The following PDE4D variants were observed in gnomAD, a reference collection of about 807,000 sequenced individuals.
PDE4D encodes the protein phosphodiesterase 4D, also known as 3',5'-cyclic-AMP phosphodiesterase 4D.
PDE4D carries 24 observed loss-of-function variants against 87.4 expected under a neutral mutation model. The ratio of observed to expected loss-of-function variants is 0.27; its 90% confidence interval spans 0.20 to 0.39. The LOEUF (loss-of-function observed/expected upper bound fraction) is 0.39, where lower values mean the gene tolerates loss of function less well. Among genes scored for constraint, PDE4D ranks in the 10% least tolerant of loss-of-function variants. The pLI is 1.00. For missense variants in PDE4D, 714 were observed against 1,041.0 expected (o/e 0.69, Z 4.32); for synonymous variants, 384 against 383.2 (o/e 1.00, Z -0.02).
rs1269156161 is a variant in PDE4D at position 60,093,154 on chromosome 5, T to A, written c.42+92403A>T. 2.6e-5 allele frequency among the ~76,000 whole-genome samples: 4 copies of A among 152,170 alleles called. No individual in the cohort carries two copies. The South Asian group carries it at 8.3e-4, about 32-fold the overall frequency. On this transcript the variant is annotated intron_variant, in intron 2 of 16. Transcript: ENST00000502484. Reference sequence around the variant, plus strand: ...TTTCTGAAGAAGCCTTGAAGTGATATTGCCATCAAACAAAAAAGATGCATG... The same window carrying A: ...TTTCTGAAGAAGCCTTGAAGTGATAATGCCATCAAACAAAAAAGATGCATG...
intron 2 of PDE4D, among the ~76,000 whole-genome samples, chr5:60,182,605 G>C (rs551402961): frequency 6.6e-6 from 1 of 152,070 alleles, no homozygotes; most frequent in East Asian, 1.9e-4. Flanking sequence ...GCACTCCAGC[G>C]CCGTGGCTCA....
rs1743242019 is a variant in PDE4D, at chr5:58,974,617, C to T, written c.*47G>A. The T allele has an allele frequency of 2.7e-6, 4 of 1,497,280 alleles. No homozygotes were observed. The highest frequency in any genetic ancestry group is 3.6e-6 in the Non-Finnish European group (4 of 1,119,408). 92.7% of individuals were successfully genotyped at this position (1,497,280 alleles called of 1,614,324 possible). On this transcript the variant is annotated 3_prime_UTR_variant, in exon 15 of 15. Transcript: ENST00000340635. Reference sequence around the variant, plus strand: ...TGGCATGTGACATGCACTTTGGAAACAATTTTTCTACTTAAAAAAAAAAAA... The same window carrying T: ...TGGCATGTGACATGCACTTTGGAAATAATTTTTCTACTTAAAAAAAAAAAA...
intron 1 of PDE4D, among the ~76,000 whole-genome samples, chr5:59,650,583 A>G (rs1472052768): frequency 6.6e-6 from 1 of 152,214 alleles, no homozygotes; most frequent in Non-Finnish European, 1.5e-5. Flanking sequence ...GCCAATATCC[A>G]TTCTTAAGTG....
intron 1 of PDE4D, among the ~76,000 whole-genome samples, chr5:59,655,505 A>G (rs1744210290): frequency 6.6e-6 from 1 of 152,168 alleles, no homozygotes; most frequent in African/African-American, 2.4e-5. Context: ...CATCCTTGTA[A>G]TTGTTTACAA....
chr5:60,189,163 G>A (rs1292220338), intron 1 of PDE4D, among the ~76,000 whole-genome samples: 1 of 152,216 alleles, frequency 6.6e-6, no homozygotes, highest in African/African-American at 2.4e-5. Flanking sequence ...AGAAGGAAGA[G>A]TCAGCTCCTG....
At chr5:59,193,623 C>G in intron 2 of PDE4D, 87 bp from the exon 3 acceptor site, 5 of 1,564,060 alleles carry the variant, frequency 3.2e-6, no homozygotes, top group Non-Finnish European at 4.3e-6. Flanking sequence ...GTTCCACTTT[C>G]ATGAGTTCCC....
At chr5:59,473,083 G>GAA (rs10573988) in intron 1 of PDE4D, among the ~76,000 whole-genome samples, 21 of 92,094 alleles carry the variant, frequency 2.3e-4, no homozygotes, top group Admixed American at 5.7e-4. Flanking sequence ...GCTTTCTCAT[G>GAA]AAAAAAAAAA....
intron 1 of PDE4D, among the ~76,000 whole-genome samples, chr5:59,428,071 T>C (rs1795569195): frequency 6.6e-6 from 1 of 152,190 alleles, no homozygotes; most frequent in African/African-American, 2.4e-5. Flanking sequence ...TCTTGATGTC[T>C]TCATTGCTGC....
chr5:60,262,550 G>A (rs1749759812), intron 1 of PDE4D: 1 of 152,132 alleles, frequency 6.6e-6, no homozygotes, highest in Non-Finnish European at 1.5e-5. Flanking sequence ...GACACAGAAA[G>A]CCTCTCTTTA....
At chr5:60,316,623 T>C (rs897129661) in intron 1 of PDE4D, among the ~76,000 whole-genome samples, 1 of 152,140 alleles carries the variant, frequency 6.6e-6, no homozygotes, top group African/African-American at 2.4e-5. Context: ...TGGCTGTGGG[T>C]TTGTCATAGA....
intron 1 of PDE4D, among the ~76,000 whole-genome samples, chr5:60,232,699 G>T (rs1745958092): frequency 6.6e-6 from 1 of 151,790 alleles, no homozygotes; most frequent in African/African-American, 2.4e-5. Flanking sequence ...CAGTCAGTGT[G>T]GTTCTAACTG....
chr5:59,695,737 G>A (rs1751684752), intron 1 of PDE4D, among the ~76,000 whole-genome samples: 1 of 152,094 alleles, frequency 6.6e-6, no homozygotes, highest in South Asian at 2.1e-4. Context: ...AAGTAGCTGG[G>A]ACTACAGACA....
chr5:59,632,063 G>A (rs1006122420), intron 1 of PDE4D, among the ~76,000 whole-genome samples: 1 of 152,180 alleles, frequency 6.6e-6, no homozygotes, highest in Non-Finnish European at 1.5e-5. Flanking sequence ...GTGGGGAGGG[G>A]TGTCCGCCAT....
At chr5:59,329,483 T>G (rs558717313) in intron 1 of PDE4D, among the ~76,000 whole-genome samples, 13 of 152,206 alleles carry the variant, frequency 8.5e-5, no homozygotes, top group Non-Finnish European at 1.0e-4. Flanking sequence ...TTACTTCTTT[T>G]GTCTACTCAC....
In PDE4D at chr5:59,668,659, G is replaced by C. The variant is rs191197017; in HGVS notation, c.455+224509C>G. On this transcript the variant is annotated intron_variant, in intron 1 of 14. Transcript: ENST00000340635. The stretch of plus-strand genomic sequence containing the variant: ...GGAGTTTGGGGCTGCAGTGAGCCAT[G>C]ATTGCACCACTGCACTCCAGCCTGG... 3.8e-3 allele frequency among the ~76,000 whole-genome samples: 582 copies of C among 151,580 alleles called. 4 individuals carry two copies. Among genetic ancestry groups the C allele is most frequent in the Non-Finnish European group, 6.0e-3 (407 of 67,958 alleles).
intron 5 of PDE4D, chr5:59,091,266 A>G: frequency 2.7e-6 from 1 of 370,098 alleles, no homozygotes; most frequent in African/African-American, 2.1e-5. Flanking sequence ...ATGACCCATG[A>G]ATCCACTCCT....
intron 1 of PDE4D, among the ~76,000 whole-genome samples, chr5:60,281,596 T>C (rs1449914080): frequency 6.6e-6 from 1 of 152,228 alleles, no homozygotes; most frequent in African/African-American, 2.4e-5. Context: ...TTTATTTCAA[T>C]AGATAGTAGA....
intron 1 of PDE4D, among the ~76,000 whole-genome samples, chr5:60,377,297 C>A (rs1251173079): frequency 6.6e-6 from 1 of 152,146 alleles, no homozygotes; most frequent in Non-Finnish European, 1.5e-5. Context: ...GTCAGCATAT[C>A]GTGGACACTC....
At chr5:59,534,549 A>G (rs1330084786) in intron 1 of PDE4D, among the ~76,000 whole-genome samples, 1 of 152,150 alleles carries the variant, frequency 6.6e-6, no homozygotes, top group African/African-American at 2.4e-5. Flanking sequence ...GGTATACAGA[A>G]TGGGGTTGAA....
Sources: allele counts gnomAD v4.1 joint callset (sites outside exome capture counted in the v4.1 genomes callset), GRCh38; gene constraint gnomAD v4.1.1; transcripts MANE v1.5; gene names NCBI Gene and HGNC (gene_info 2026-07-23, HGNC 2026-07-21).